ROBO1: variants seen among roughly 807,000 people sequenced by gnomAD.
The protein encoded by ROBO1 is roundabout guidance receptor 1, also known as roundabout homolog 1.
ROBO1 carries 149 observed loss-of-function variants against 195.9 expected under a neutral mutation model. The observed-to-expected ratio is 0.76, with a 90% CI of 0.67 to 0.87. The LOEUF (loss-of-function observed/expected upper bound fraction) is 0.87. ROBO1 is among the 40% of genes least tolerant of loss of function. ROBO1 has a pLI of 0.00. For missense variants in ROBO1, 1,933 were observed against 2,068.3 expected, an observed-to-expected ratio of 0.93 and a Z score of 1.27; for synonymous variants, 816 against 733.2, an observed-to-expected ratio of 1.11 and a Z score of -1.82.
rs868690921 is a variant in ROBO1 at position 78,875,642 on chromosome 3, A to C, written c.499+62959T>G. Among the ~76,000 whole-genome samples the C allele has an allele frequency of 8.5e-5, 13 of 152,176 alleles. No individual in the cohort carries two copies. The South Asian group carries it at 2.5e-3, about 29-fold the overall frequency. ...AAGACTGAAGAGAGGGTATGTTGCC[A>C]ACTGAAAACTATCAGAATTCTGGCC... On this transcript the variant is annotated intron_variant, in intron 4 of 30. Transcript: ENST00000464233.
chr3:78,713,934 T>C (rs2081832023), intron 8 of ROBO1, among the ~76,000 whole-genome samples: 1 of 152,252 alleles, frequency 6.6e-6, no homozygotes, highest in South Asian at 2.1e-4. Flanking sequence ...TCCTACATTC[T>C]GAAGAGTAAT....
intron 2 of ROBO1, among the ~76,000 whole-genome samples, chr3:79,518,651 T>A (rs934957615): frequency 1.3e-5 from 2 of 152,020 alleles, no homozygotes; most frequent in Admixed American, 1.3e-4. Flanking sequence ...TATGCATAGA[T>A]AATAAACATT....
At chr3:79,491,572 G>C (rs1939456607) in intron 2 of ROBO1, among the ~76,000 whole-genome samples, 1 of 152,118 alleles carries the variant, frequency 6.6e-6, no homozygotes, top group Non-Finnish European at 1.5e-5. Context: ...AAATCTTTGA[G>C]AGCAAAGTTG....
chr3:78,849,927 A>C (rs920457160), intron 4 of ROBO1, among the ~76,000 whole-genome samples: 8 of 151,906 alleles, frequency 5.3e-5, no homozygotes, highest in African/African-American at 1.5e-4. Context: ...CCACATATAC[A>C]ACTGTGGTCT....
intron 1 of ROBO1, among the ~76,000 whole-genome samples, chr3:79,757,559 A>T (rs1403304661): frequency 6.6e-6 from 1 of 151,040 alleles, no homozygotes; most frequent in Non-Finnish European, 1.5e-5. Flanking sequence ...CACACTTGTA[A>T]TGCCCGAGCT....
intron 4 of ROBO1, among the ~76,000 whole-genome samples, chr3:78,783,382 C>T (rs2083738456): frequency 6.6e-6 from 1 of 152,154 alleles, no homozygotes; most frequent in Non-Finnish European, 1.5e-5. Context: ...AAAAGCACCT[C>T]AACATTTACC....
chr3:79,400,284 C>T (rs1286108670), intron 2 of ROBO1, among the ~76,000 whole-genome samples: 1 of 151,904 alleles, frequency 6.6e-6, no homozygotes, highest in Non-Finnish European at 1.5e-5. Flanking sequence ...ATATAACAAC[C>T]CCCACAACAC....
At chr3:79,309,912 A>G (rs2033402268) in intron 2 of ROBO1, among the ~76,000 whole-genome samples, 1 of 152,216 alleles carries the variant, frequency 6.6e-6, no homozygotes, top group South Asian at 2.1e-4. Flanking sequence ...TTCTAAATCT[A>G]AAATTTAGAT....
intron 2 of ROBO1, among the ~76,000 whole-genome samples, chr3:79,475,073 C>A (rs770069019): frequency 5.9e-5 from 9 of 151,606 alleles, no homozygotes; most frequent in Non-Finnish European, 1.0e-4. Flanking sequence ...CAACAGAATT[C>A]TTTTCAGTAA....
chr3:78,629,918 G>A (rs757296719), intron 25 of ROBO1, among the ~76,000 whole-genome samples: 12 of 152,110 alleles, frequency 7.9e-5, no homozygotes, highest in African/African-American at 1.7e-4. Flanking sequence ...GTAAACAAGC[G>A]TCCTTTTCAT....
At chr3:78,986,251 TG>T (rs1269276427) in intron 3 of ROBO1, among the ~76,000 whole-genome samples, 1 of 152,198 alleles carries the variant, frequency 6.6e-6, no homozygotes, top group Non-Finnish European at 1.5e-5. Flanking sequence ...TTTGGTGCCC[TG>T]GATCAGTCCT....
At chr3:79,027,344 C>T (rs1393010714) in intron 3 of ROBO1, among the ~76,000 whole-genome samples, 2 of 151,982 alleles carry the variant, frequency 1.3e-5, no homozygotes, top group Non-Finnish European at 2.9e-5. Context: ...AATCACAATA[C>T]TAAAGAATTC....
chr3:79,061,741 G>T (rs528522674), intron 3 of ROBO1, among the ~76,000 whole-genome samples: 6 of 152,128 alleles, frequency 3.9e-5, no homozygotes, highest in African/African-American at 1.4e-4. Flanking sequence ...ACAAAAACAA[G>T]CAATGGGGAA....
At chr3:79,163,284 C>T (rs2081006143) in intron 2 of ROBO1, among the ~76,000 whole-genome samples, 2 of 152,082 alleles carry the variant, frequency 1.3e-5, no homozygotes, top group Admixed American at 6.6e-5. Context: ...CAGTATTTAT[C>T]TTTGTGTGAC....
At chr3:79,662,867 A>G (rs1348296589) in intron 1 of ROBO1, among the ~76,000 whole-genome samples, 3 of 152,076 alleles carry the variant, frequency 2.0e-5, no homozygotes, top group Non-Finnish European at 4.4e-5. Context: ...GGAGAATCTG[A>G]AAGGAAGTAT....
chr3:78,796,613 T>G (rs2084192643), intron 4 of ROBO1, among the ~76,000 whole-genome samples: 1 of 152,012 alleles, frequency 6.6e-6, no homozygotes, highest in Non-Finnish European at 1.5e-5. Context: ...AATTCCGTGG[T>G]GCCACATCCT....
In ROBO1 at chr3:79,483,591, C is replaced by T. The variant is rs113028039; in HGVS notation, c.88+106233G>A. On this transcript the variant is annotated intron_variant, in intron 2 of 30. Transcript: ENST00000464233. ...TTGGGCTATAGGATGTAACCTATTG[C>T]TCCTAGGCTACAAACCTGTAAATCA... Among the ~76,000 whole-genome samples, 27 of 152,268 alleles carry T rather than the reference C, an allele frequency of 1.8e-4. 1 individual carries two copies. The highest frequency in any genetic ancestry group is 6.5e-4 in the African/African-American group (27 of 41,554).
chr3:79,066,961 T>C (rs1226916746), intron 3 of ROBO1, among the ~76,000 whole-genome samples: 2 of 151,906 alleles, frequency 1.3e-5, no homozygotes, highest in African/African-American at 2.4e-5. Context: ...GTAACAACTA[T>C]AAAGTCTTCA....
At chr3:79,607,742 T>A (rs571453062) in intron 1 of ROBO1, among the ~76,000 whole-genome samples, 1 of 152,126 alleles carries the variant, frequency 6.6e-6, no homozygotes, top group South Asian at 2.1e-4. Flanking sequence ...CTGGCAAATA[T>A]TTTAAATAGA....
Sources: gnomAD v4.1 joint callset for allele counts (sites outside exome capture counted in the v4.1 genomes callset) on GRCh38, gnomAD v4.1.1 for gene constraint, MANE v1.5 for transcripts, NCBI Gene and HGNC (gene_info 2026-07-23, HGNC 2026-07-21) for gene names.